The following DOCK2 variants were observed in gnomAD, a reference collection of about 807,000 sequenced individuals.
The protein encoded by DOCK2 is dedicator of cytokinesis protein 2.
Under a neutral mutation model 248.9 loss-of-function variants are expected in DOCK2, and 87 were observed. The ratio of observed to expected loss-of-function variants is 0.35; its 90% CI spans 0.29 to 0.42. The LOEUF (loss-of-function observed/expected upper bound fraction) is 0.42, where lower values mean the gene tolerates loss of function less well. Among genes scored for constraint, DOCK2 ranks in the 10% least tolerant of loss-of-function variants. The pLI, the probability that DOCK2 is intolerant of heterozygous loss-of-function variation, is 1.00. For missense variants in DOCK2, 1,747 were observed against 2,300.2 expected, an observed-to-expected ratio of 0.76 and a Z score of 4.92; for synonymous variants, 805 against 821.6, an observed-to-expected ratio of 0.98 and a Z score of 0.35.
At chr5:169,660,396 A>G (rs1236032704) in intron 2 of DOCK2, among the ~76,000 whole-genome samples, 2 of 152,208 alleles carry the variant, frequency 1.3e-5, no homozygotes, top group Non-Finnish European at 2.9e-5. Context: ...TGGATAGAGC[A>G]TCCTCTGCTT....
intron 27 of DOCK2, among the ~76,000 whole-genome samples, chr5:169,943,320 G>A (rs1776314836): frequency 2.0e-5 from 3 of 152,108 alleles, no homozygotes; most frequent in Admixed American, 1.3e-4. Flanking sequence ...CTGTCTAAAG[G>A]TTGATCCCAC....
chr5:170,073,618 T>C (rs948774658), intron 46 of DOCK2, among the ~76,000 whole-genome samples: 2 of 152,186 alleles, frequency 1.3e-5, no homozygotes, highest in Non-Finnish European at 2.9e-5. Context: ...AGCAAAATTT[T>C]GTGGTTTTCA....
At position 169,702,579 on chromosome 5, in the gene DOCK2, G is replaced by T. The variant is rs1402504770; in HGVS notation, c.1383+152G>T. On this transcript the variant is annotated intron_variant, in intron 14 of 51. Transcript: ENST00000520908. ...ATGTGTTCAACACCTTTTGAGCTTG[G>T]TTAGTGCAGTGTTCCATAATAAGAC... The T allele has an allele frequency of 4.6e-6, 5 of 1,090,570 alleles. No homozygotes were observed. In the African/African-American group the frequency reaches 4.7e-5, roughly 10 times the overall value. The allele number at this position is 1,090,570 out of a possible 1,614,324, so 67.6% of individuals were successfully genotyped here.
At chr5:169,704,013 T>C (rs1374199079) in intron 14 of DOCK2, 1 of 152,232 alleles carries the variant, frequency 6.6e-6, no homozygotes, top group Non-Finnish European at 1.5e-5. Flanking sequence ...TTCTTCCACT[T>C]TTGTCACCCT....
intron 44 of DOCK2, among the ~76,000 whole-genome samples, chr5:170,066,279 A>G (rs1225293880): frequency 2.0e-5 from 3 of 151,740 alleles, no homozygotes; most frequent in Admixed American, 6.6e-5. Context: ...ACTTTAAATG[A>G]AAAACTGTAA....
At chr5:169,996,293 G>C (rs1014832225) in intron 30 of DOCK2, 129 bp downstream of exon 30, 1 of 907,868 alleles carries the variant, frequency 1.1e-6, no homozygotes, top group East Asian at 2.7e-5. Flanking sequence ...GATTCCCACG[G>C]GGGGTTATGG....
At chr5:170,054,001 G>C (rs933804510) in intron 41 of DOCK2, among the ~76,000 whole-genome samples, 1 of 151,548 alleles carries the variant, frequency 6.6e-6, no homozygotes, top group Non-Finnish European at 1.5e-5. Context: ...GCTGTGGAAA[G>C]CCAAAGGAAG....
chr5:170,014,639 G>T (rs920241514), intron 32 of DOCK2, among the ~76,000 whole-genome samples: 3 of 131,028 alleles, frequency 2.3e-5, no homozygotes, highest in South Asian at 3.0e-4. Flanking sequence ...ACATGTGTTG[G>T]GGGGGGTAGA....
chr5:169,823,748 A>G (rs1035039884), intron 26 of DOCK2, among the ~76,000 whole-genome samples: 4 of 152,200 alleles, frequency 2.6e-5, no homozygotes, highest in Non-Finnish European at 4.4e-5. Context: ...CCTATTCAAC[A>G]TAGTGTTGGA....
intron 2 of DOCK2, among the ~76,000 whole-genome samples, chr5:169,659,426 T>C (rs981384509): frequency 6.6e-6 from 1 of 152,176 alleles, no homozygotes; most frequent in African/African-American, 2.4e-5. Flanking sequence ...TCTCCCCTAT[T>C]ATGTAGTGCT....
Position 170,081,965 on chromosome 5 carries a change from A to G in DOCK2, c.5411A>G (p.Asn1804Ser), listed in dbSNP as rs748740141. The stretch of plus-strand genomic sequence containing the variant: ...AAGACACTCACACGGAAGAAGGTCA[A>G]TCAGTTCTTCAAGACAATGGTGAGG... ...DKKTLTRKKV[N>S]QFFKTMLASK... Residue 1804 changes from asparagine to serine, a missense_variant, in exon 51 of 52, where the codon AAT (asparagine) becomes AGT (serine). By Grantham distance (46) the Asn-to-Ser change is conservative. Coordinates refer to ENST00000520908, the MANE Select transcript of DOCK2 (RefSeq NM_004946.3). 19 of 1,614,016 alleles carry G rather than the reference A, an allele frequency of 1.2e-5. No homozygotes were observed. Among genetic ancestry groups the G allele is most frequent in the Non-Finnish European group, 1.4e-5 (16 of 1,179,988 alleles).
At chr5:170,044,981 T>C (rs978526611) in intron 38 of DOCK2, among the ~76,000 whole-genome samples, 1 of 152,160 alleles carries the variant, frequency 6.6e-6, no homozygotes, top group African/African-American at 2.4e-5. Context: ...AGTGAGGTGA[T>C]CTATTGACTC....
intron 39 of DOCK2, 46 bp downstream of exon 39, chr5:170,045,951 T>C (rs1257334279): frequency 6.4e-7 from 1 of 1,568,770 alleles, no homozygotes; most frequent in Non-Finnish European, 8.8e-7. Flanking sequence ...GGCTGGGTGC[T>C]CAGGGCCTCA....
rs1314820263 is a variant in DOCK2, at chr5:169,983,153, G to A, written c.2885G>A (p.Ser962Asn). ...YSFYIETFQT[S>N]SELVDFLMET... The stretch of plus-strand genomic sequence containing the variant: ...TTCTACATTGAGACCTTCCAGACCA[G>A]CTCTGAACTTGTGGTGAGTCTGCAG... The change falls in exon 28 of 52, where the codon AGC becomes AAC. Residue 962 changes from serine to asparagine, a missense_variant. Physicochemically the swap from Ser to Asn is conservative, Grantham distance 46. This residue lies in a region of DOCK2 where 858 missense variants were observed against 1,183.5 expected (regional missense o/e 0.72). Transcript: ENST00000520908. 10 of 1,613,960 alleles carry A rather than the reference G, an allele frequency of 6.2e-6. No individual in the cohort carries two copies. The African/African-American group carries it at 1.3e-4, about 22-fold the overall frequency.
At chr5:170,065,271 A>G (rs966672467) in intron 44 of DOCK2, among the ~76,000 whole-genome samples, 2 of 152,196 alleles carry the variant, frequency 1.3e-5, no homozygotes, top group Non-Finnish European at 2.9e-5. Flanking sequence ...GTTAGAAGAA[A>G]AGACCCACAG....
At chr5:169,726,070 A>C (rs543627359) in intron 22 of DOCK2, among the ~76,000 whole-genome samples, 1 of 152,244 alleles carries the variant, frequency 6.6e-6, no homozygotes, top group African/African-American at 2.4e-5. Flanking sequence ...TAGATCCTTG[A>C]GGAATCGCCA....
At chr5:169,882,465 T>C (rs757390928) in intron 27 of DOCK2, 10 of 1,144,892 alleles carry the variant, frequency 8.7e-6, no homozygotes, top group Non-Finnish European at 1.2e-5. Context: ...GAGACATTTT[T>C]ACTAAAAGAA....
chr5:169,732,889 C>T (rs1235187027), intron 22 of DOCK2, among the ~76,000 whole-genome samples: 2 of 152,122 alleles, frequency 1.3e-5, no homozygotes, highest in Admixed American at 6.5e-5. Context: ...TTGTACCTCC[C>T]TTTCTAATCT....
At chr5:169,772,343 A>G (rs1301060114) in intron 25 of DOCK2, among the ~76,000 whole-genome samples, 1 of 152,166 alleles carries the variant, frequency 6.6e-6, no homozygotes, top group Non-Finnish European at 1.5e-5. Flanking sequence ...AATTTTCCTT[A>G]TGGTAAGAAA....
Sources: gnomAD v4.1 joint callset for allele counts (sites outside exome capture counted in the v4.1 genomes callset) on GRCh38, gnomAD v4.1.1 for gene constraint, gnomAD v4.1.1 regional missense constraint, MANE v1.5 for transcripts, NCBI Gene and HGNC (gene_info 2026-07-23, HGNC 2026-07-21) for gene names.